Variants in KIF1C observed in about 807,000 individuals in gnomAD.
KIF1C encodes the protein kinesin family member 1C.
A neutral mutation model predicts 126.5 loss-of-function variants in KIF1C; 61 were observed. The observed-to-expected ratio is 0.48, with a 90% CI of 0.39 to 0.60. The LOEUF (loss-of-function observed/expected upper bound fraction) is 0.60. Ranked by LOEUF, KIF1C falls within the 20% of genes least tolerant of loss-of-function variation. The pLI is 0.00. For missense variants in KIF1C, 1,315 were observed against 1,489.2 expected (o/e 0.88, Z 1.93); for synonymous variants, 640 against 580.6 (o/e 1.10, Z -1.47).
chr17:5,015,830 A>G (rs1270742898), intron 18 of KIF1C, among the ~76,000 whole-genome samples: 1 of 151,696 alleles, frequency 6.6e-6, no homozygotes, highest in African/African-American at 2.4e-5. Flanking sequence ...TCCTGATCTC[A>G]TGTGATCCGC....
In KIF1C at chr17:5,020,493, G is replaced by C. The variant is rs1567727676; in HGVS notation, c.1752G>C (p.Gly584=). The C allele has an allele frequency of 6.2e-7, 1 of 1,611,408 alleles. No homozygotes were observed. The highest frequency in any genetic ancestry group is 1.1e-5 in the South Asian group (1 of 90,872). Residue 584 remains glycine (G), a splice_region_variant and synonymous_variant, in exon 20 of 23, where the codon GGG becomes GGC. Coordinates refer to ENST00000320785, the MANE Select transcript of KIF1C (RefSeq NM_006612.6). This position sits in a 1 kb window ranked among gnomAD's most constrained non-coding sequence, Gnocchi z 5.8. ...LVTEPLVLKS[G]NRIVMGKNHV... is the part of the protein sequence containing the mutation. ...ACTTTTCCCTCCTCCCATCTCTAGG[G>C]AATAGGATTGTGATGGGCAAGAACC... is the stretch of plus-strand genomic sequence containing the variant.
At chr17:5,021,914 T>G (rs1330435696) in intron 21 of KIF1C, among the ~76,000 whole-genome samples, 178 bp from the exon 22 acceptor site, 1 of 152,172 alleles carries the variant, frequency 6.6e-6, no homozygotes, top group Non-Finnish European at 1.5e-5. Context: ...ACTATCTCTG[T>G]TGTCTAGAAG....
At chr17:5,008,212 C>T (rs960182790) in intron 16 of KIF1C, among the ~76,000 whole-genome samples, 1 of 152,140 alleles carries the variant, frequency 6.6e-6, no homozygotes. Context: ...AGGAGCAGGG[C>T]GGGAGAGGTC....
At position 5,020,852 on chromosome 17, in the gene KIF1C, G is replaced by A. The variant is rs866317638; in HGVS notation, c.1984G>A (p.Asp662Asn). 7 of 1,586,784 alleles carry A rather than the reference G, an allele frequency of 4.4e-6. No individual in the cohort carries two copies. Among genetic ancestry groups the A allele is most frequent in the Non-Finnish European group, 6.0e-6 (7 of 1,166,284 alleles). The change falls in exon 21 of 23, where the codon GAT becomes AAT. Residue 662 changes from aspartate to asparagine, a missense_variant. By Grantham distance (23) the Asp-to-Asn change is conservative. This residue lies in a region of KIF1C where 874 missense variants were observed against 1,053.2 expected (regional missense o/e 0.83). Transcript: ENST00000320785. The surrounding 1 kb of genome is among the most constrained non-coding windows in gnomAD (Gnocchi z 5.8). ...GTACCGGAAAGAAAAGGAAGAAGCC[G>A]ATCTTCTGCTGGAGCAGCAGCGACT... Reference protein sequence around the residue: ...NQYRKEKEEADLLLEQQRLYA... With the variant: ...NQYRKEKEEANLLLEQQRLYA...
Position 5,007,298 on chromosome 17 carries a change from A to G in KIF1C, c.1371A>G (p.Thr457=), listed in dbSNP as rs1243385084. 2 of 1,612,676 alleles carry G rather than the reference A, an allele frequency of 1.2e-6. No homozygotes were observed. Among genetic ancestry groups the G allele is most frequent in the African/African-American group, 1.3e-5 (1 of 74,968 alleles). The part of the protein sequence containing the change: ...TEKIIAELNE[T]WEEKLRKTEA... ...AGATTATAGCTGAGCTGAACGAGAC[A>G]TGGGAGGAGAAGCTACGCAAGACAG... Residue 457 remains threonine, a synonymous_variant, in exon 15 of 23, where the codon ACA becomes ACG. Coordinates refer to ENST00000320785, the MANE Select transcript of KIF1C (RefSeq NM_006612.6).
intron 1 of KIF1C, among the ~76,000 whole-genome samples, chr17:4,999,542 G>C (rs1440776620): frequency 1.3e-5 from 2 of 151,654 alleles, no homozygotes; most frequent in Non-Finnish European, 2.9e-5. Flanking sequence ...GTGACTCTCT[G>C]CCCCTCCTCT....
intron 18 of KIF1C, among the ~76,000 whole-genome samples, chr17:5,016,983 G>A (rs1974984614): frequency 6.6e-6 from 1 of 152,074 alleles, no homozygotes; most frequent in African/African-American, 2.4e-5. Flanking sequence ...GTTCTGGTCT[G>A]GTTCAAGTCC....
intron 16 of KIF1C, among the ~76,000 whole-genome samples, chr17:5,009,068 GGT>G (rs1199467440): frequency 6.6e-6 from 1 of 151,348 alleles, no homozygotes; most frequent in Non-Finnish European, 1.5e-5. Context: ...AGTTCTAAAA[GGT>G]GTGTACAGTG....
chr17:5,021,724 C>T (rs1437727852), intron 21 of KIF1C, among the ~76,000 whole-genome samples: 1 of 152,132 alleles, frequency 6.6e-6, no homozygotes, highest in Non-Finnish European at 1.5e-5. Flanking sequence ...TCAAGTGATC[C>T]TCCTGCCTTG....
chr17:5,000,177 C>T, intron 2 of KIF1C, 43 bp from the exon 3 acceptor site: 3 of 1,121,576 alleles, frequency 2.7e-6, no homozygotes, highest in Admixed American at 4.0e-5. Flanking sequence ...GTCTGGGTCC[C>T]TGCAGTGGTT....
In KIF1C at chr17:5,024,211, C is replaced by G. The variant is rs1460513876; in HGVS notation, c.*60C>G. The G allele has an allele frequency of 3.3e-6, 4 of 1,215,200 alleles. No homozygotes were observed. Among genetic ancestry groups the G allele is most frequent in the South Asian group, 1.4e-5 (1 of 71,584 alleles). 75.3% of individuals were successfully genotyped at this position (1,215,200 alleles called of 1,614,324 possible). A position where few individuals can be genotyped will look rare whatever the true frequency, so the allele number is the denominator to read the frequency against. ...CCTTGCTAGGAGAAGGGAAGACGCC[C>G]GAGACGCTGCTTCCCCAGAAGTGCT... On this transcript the variant is annotated 3_prime_UTR_variant, in exon 23 of 23. Transcript: ENST00000320785.
chr17:5,023,485 T>A lies in KIF1C; in HGVS notation c.2646T>A (p.Asn882Lys). 1.2e-6 allele frequency: 2 copies of A among 1,613,940 alleles called. No individual in the cohort carries two copies. The highest frequency in any genetic ancestry group is 1.7e-6 in the Non-Finnish European group (2 of 1,179,920). The change falls in exon 23 of 23, where the codon AAT becomes AAA. Residue 882 changes from asparagine to lysine, a missense_variant. Around this residue, in one of 2 missense-constraint regions of KIF1C, gnomAD observed 441 missense variants for 436.1 expected, o/e 1.01. Coordinates refer to ENST00000320785, the MANE Select transcript of KIF1C (RefSeq NM_006612.6). This position sits in a 1 kb window ranked among gnomAD's most constrained non-coding sequence, Gnocchi z 4.2. ...CCTCCCAGGATCATGAGGATGAGAATGAAGAAGGTGGTGAGGTCCCCTGGG... is the reference window on the plus strand; with the variant it reads ...CCTCCCAGGATCATGAGGATGAGAAAGAAGAAGGTGGTGAGGTCCCCTGGG... ...IPLAQDHEDE[N>K]EEGGEVPWAP... is the part of the protein sequence containing the mutation.
chr17:5,005,473 C>T (rs1974705473), intron 13 of KIF1C, among the ~76,000 whole-genome samples: 1 of 152,088 alleles, frequency 6.6e-6, no homozygotes, highest in Non-Finnish European at 1.5e-5. Flanking sequence ...TCCATGTTGA[C>T]GGTCAGGAAT....
rs899592783 is a variant in KIF1C, at chr17:5,002,850, C to T, written c.720+8C>T. 13 of 1,515,652 alleles carry T rather than the reference C, an allele frequency of 8.6e-6. No individual in the cohort carries two copies. Among genetic ancestry groups the T allele is most frequent in the Non-Finnish European group, 1.2e-5 (13 of 1,119,866 alleles). The allele number at this position is 1,515,652 out of a possible 1,614,324, so 93.9% of individuals were successfully genotyped here. ...GGGCTGGACTCGGAGAAGGTGGGAT[C>T]GCCCCCCCCCCCACTCCCCCACCGG... On this transcript the variant is annotated splice_region_variant and intron_variant, in intron 8 of 22. Coordinates refer to ENST00000320785, the MANE Select transcript of KIF1C (RefSeq NM_006612.6).
At position 5,006,980 on chromosome 17, in the gene KIF1C, G is replaced by A. The variant is rs1240822680; in HGVS notation, c.1231G>A (p.Val411Ile). The A allele has an allele frequency of 1.9e-6, 3 of 1,611,526 alleles. No individual in the cohort carries two copies. Among genetic ancestry groups the A allele is most frequent in the South Asian group, 1.1e-5 (1 of 90,816 alleles). ...AGCTGTGTCATCTCCCCCAGCTCCA[G>A]TTTCACCCTCATCACCCACCACACA... ...LPAVSSPPAP[V>I]SPSSPTTHNG... The change falls in exon 14 of 23, where the codon GTT becomes ATT. Residue 411 changes from valine to isoleucine, a missense_variant. Coordinates refer to ENST00000320785, the MANE Select transcript of KIF1C (RefSeq NM_006612.6).
chr17:5,004,735 CG>C, intron 12 of KIF1C, 90 bp downstream of exon 12: 1 of 1,578,514 alleles, frequency 6.3e-7, no homozygotes, highest in Non-Finnish European at 8.7e-7. Context: ...GCTCGTGAGA[CG>C]GGGGAGATGC....
rs1356230291 is a variant in KIF1C, at chr17:5,023,386, T to C, written c.2629-82T>C. The C allele has an allele frequency of 1.7e-6, 2 of 1,199,992 alleles. No homozygotes were observed. Among genetic ancestry groups the C allele is most frequent in the Non-Finnish European group, 2.4e-6 (2 of 836,708 alleles). The allele number at this position is 1,199,992 out of a possible 1,614,324, so 74.3% of individuals were successfully genotyped here. A position where few individuals can be genotyped will look rare whatever the true frequency, so the allele number is the denominator to read the frequency against. On this transcript the variant is annotated intron_variant, in intron 22 of 22. Coordinates refer to ENST00000320785, the MANE Select transcript of KIF1C (RefSeq NM_006612.6). This position sits in a 1 kb window ranked among gnomAD's most constrained non-coding sequence, Gnocchi z 4.2. ...TCTGGACCCTTTGACATCCAGCCAC[T>C]CCAGGTCCCTCTTGAATCCACATGT...
chr17:5,023,266 A>C lies in KIF1C; in HGVS notation c.2629-202A>C, dbSNP rs1597865219. On this transcript the variant is annotated intron_variant, in intron 22 of 22. Transcript: ENST00000320785. The surrounding 1 kb of genome is among the most constrained non-coding windows in gnomAD (Gnocchi z 4.2). ...GATCTCTTGACCTTGTGATCCGCCC[A>C]CCTCAGCTTCCCAAAGTGCTGCGAT... Among the ~76,000 whole-genome samples, 2 of 151,596 alleles carry C rather than the reference A, an allele frequency of 1.3e-5. No homozygotes were observed. The highest frequency in any genetic ancestry group is 1.9e-4 in the East Asian group (1 of 5,162).
At chr17:5,001,901 G>A (rs1974603459) in intron 5 of KIF1C, among the ~76,000 whole-genome samples, 158 bp from the exon 6 acceptor site, 1 of 152,212 alleles carries the variant, frequency 6.6e-6, no homozygotes. Context: ...GGACCTCTCT[G>A]AGGTTGTTTT....
Sources: allele counts gnomAD v4.1 joint callset (sites outside exome capture counted in the v4.1 genomes callset), GRCh38; gene constraint gnomAD v4.1.1; regional missense constraint gnomAD v4.1.1; non-coding constraint Gnocchi (gnomAD v3.1); transcripts MANE v1.5; gene names NCBI Gene and HGNC (gene_info 2026-07-23, HGNC 2026-07-21).